The following LTBP4 variants were observed in gnomAD, a reference collection of about 807,000 sequenced individuals.
LTBP4 encodes the protein latent transforming growth factor beta binding protein 4.
LTBP4 carries 93 observed loss-of-function variants against 180.2 expected under a neutral mutation model. That is an observed-to-expected ratio of 0.52 (90% CI 0.44 to 0.61). The LOEUF is 0.61. Ranked by LOEUF, LTBP4 falls within the 20% of genes least tolerant of loss-of-function variation. The pLI, the probability that LTBP4 is intolerant of heterozygous loss-of-function variation, is 0.00. For synonymous variants in LTBP4, 947 were observed against 934.5 expected (o/e 1.01, Z -0.24); for missense variants, 2,116 against 2,256.5 (o/e 0.94, Z 1.26).
intron 1 of LTBP4, among the ~76,000 whole-genome samples, chr19:40,603,899 CTTTG>C (rs1277669641): frequency 6.6e-6 from 1 of 152,258 alleles, no homozygotes. Context: ...GCACCTCTCT[CTTTG>C]TTTACCCCGC....
Position 40,613,366 on chromosome 19 carries a change from G to C in LTBP4, c.2432-38G>C, listed in dbSNP as rs773178157. 3 of 1,592,606 alleles carry C rather than the reference G, an allele frequency of 1.9e-6. No homozygotes were observed. The highest frequency in any genetic ancestry group is 2.6e-6 in the Non-Finnish European group (3 of 1,171,292). ...GTGGGCGGAGCTTGTCTGGGAGGCC[G>C]GGTCCCGTGACTCCGCCCAATCTCC... On this transcript the variant is annotated intron_variant, in intron 16 of 29. Coordinates refer to ENST00000396819, the MANE Select transcript of LTBP4 (RefSeq NM_001042545.2). This position sits in a 1 kb window ranked among gnomAD's most constrained non-coding sequence, Gnocchi z 5.0.
chr19:40,619,475 C>T lies in LTBP4; in HGVS notation c.3199C>T (p.Pro1067Ser). 6.2e-7 allele frequency: 1 copy of T among 1,611,020 alleles called. No homozygotes were observed. The highest frequency in any genetic ancestry group is 8.5e-7 in the Non-Finnish European group (1 of 1,178,196). Residue 1067 changes from proline to serine, a missense_variant, in exon 22 of 30, where the codon CCC becomes TCC. Coordinates refer to ENST00000396819, the MANE Select transcript of LTBP4 (RefSeq NM_001042545.2). ...TGACCCCATGACTGGACGCTGTGTT[C>T]CCCCACGAACTTCTGCTGGTGAGAC... ...EFDPMTGRCV[P>S]PRTSAGTFPG...
chr19:40,625,311 TATA>T (rs2081624850), intron 26 of LTBP4, among the ~76,000 whole-genome samples: 5 of 30,874 alleles, frequency 1.6e-4, no homozygotes, highest in Admixed American at 3.7e-4. Flanking sequence ...TATATATATA[TATA>T]TATTTTTTTT....
In LTBP4 at chr19:40,607,668, C is replaced by G; in HGVS notation, c.1156+139C>G. ...TTGGCCACGCAGCAGCCTCTGAGACCCGCAGGCCTCAGACTGGACAGCATC... is the reference window on the plus strand; with the variant it reads ...TTGGCCACGCAGCAGCCTCTGAGACGCGCAGGCCTCAGACTGGACAGCATC... On this transcript the variant is annotated intron_variant, in intron 7 of 29. Transcript: ENST00000396819. 3 of 930,018 alleles carry G rather than the reference C, an allele frequency of 3.2e-6. 1 individual carries two copies. In the East Asian group the frequency reaches 8.0e-5, roughly 25 times the overall value. The allele number at this position is 930,018 out of a possible 1,614,324, so 57.6% of individuals were successfully genotyped here. A position where few individuals can be genotyped will look rare whatever the true frequency, so the allele number is the denominator to read the frequency against.
At chr19:40,621,531 C>G (rs535480475) in intron 22 of LTBP4, among the ~76,000 whole-genome samples, 1 of 152,140 alleles carries the variant, frequency 6.6e-6, no homozygotes, top group Non-Finnish European at 1.5e-5. Flanking sequence ...TGAAACCTCC[C>G]TCTGGCCGCC....
At position 40,611,966 on chromosome 19, in the gene LTBP4, G is replaced by T. The variant is rs774964698; in HGVS notation, c.2161G>T (p.Ala721Ser). Residue 721 changes from alanine to serine, a missense_variant, in exon 14 of 30, where the codon GCT becomes TCT. By Grantham distance (99) the Ala-to-Ser change is moderately conservative (BLOSUM62 1). This residue lies in a region of LTBP4 where 877 missense variants were observed against 873.6 expected (regional missense o/e 1.00). Transcript: ENST00000396819. This position sits in a 1 kb window ranked among gnomAD's most constrained non-coding sequence, Gnocchi z 4.4. ...CCCCATGGGCTTCCAACCCAACACT[G>T]CTGGCTCCGAGTGCGAGGGTGAGGC... ...VCPMGFQPNT[A>S]GSECEDVDEC... The T allele has an allele frequency of 6.2e-7, 1 of 1,611,858 alleles. No homozygotes were observed. Among genetic ancestry groups the T allele is most frequent in the Admixed American group, 1.7e-5 (1 of 59,790 alleles).
rs1568414608 is a variant in LTBP4 at position 40,625,306 on chromosome 19, ATATATATATATT to A, written c.3833-549_3833-538del. Among the ~76,000 whole-genome samples, 7 of 16,464 alleles carry A rather than the reference ATATATATATATT, an allele frequency of 4.3e-4. No homozygotes were observed. The East Asian group carries it at 4.4e-3, about 10-fold the overall frequency. 10.8% of individuals were successfully genotyped at this position (16,464 alleles called of 152,430 possible). A position where few individuals can be genotyped will look rare whatever the true frequency, so the allele number is the denominator to read the frequency against. On this transcript the variant is annotated intron_variant, in intron 26 of 29. Transcript: ENST00000396819. ...TATATATATATATATATATATATAT[ATATATATATATT>A]TTTTTTTTTAAAGATGGGTTTTTGC... is the stretch of plus-strand genomic sequence containing the variant.
In LTBP4 at chr19:40,626,968, T is replaced by C; in HGVS notation, c.3986-7T>C. 5 of 1,536,320 alleles carry C rather than the reference T, an allele frequency of 3.3e-6. No homozygotes were observed. The highest frequency in any genetic ancestry group is 4.4e-6 in the Non-Finnish European group (5 of 1,138,626). The stretch of plus-strand genomic sequence containing the variant: ...GGCTGATTGTTTGCCTTGGCTCCTG[T>C]TCCCAGATGACTTCGAGGCCCTGTG... On this transcript the variant is annotated splice_polypyrimidine_tract_variant and splice_region_variant and intron_variant, in intron 27 of 29. Transcript: ENST00000396819.
chr19:40,621,835 G>A (rs576189129), intron 22 of LTBP4, among the ~76,000 whole-genome samples: 33 of 150,578 alleles, frequency 2.2e-4, no homozygotes, highest in Non-Finnish European at 3.9e-4. Context: ...TGCAACTTCC[G>A]CTCCCGGGTT....
chr19:40,595,907 T>A, intron 1 of LTBP4, among the ~76,000 whole-genome samples: 1 of 13,948 alleles, frequency 7.2e-5, no homozygotes, highest in Non-Finnish European at 1.2e-4. Flanking sequence ...ATTTTTGGAT[T>A]TTTTTTTTTT....
upstream of LTBP4, chr19:40,601,237 G>T: frequency 2.0e-6 from 1 of 490,342 alleles, no homozygotes. Context: ...CCAGCCCCAC[G>T]CGCCCCCGCG....
At chr19:40,623,528 C>T in intron 24 of LTBP4, 76 bp from the exon 25 acceptor site, 1 of 1,523,932 alleles carries the variant, frequency 6.6e-7, no homozygotes, top group African/African-American at 1.4e-5. Flanking sequence ...AGCTCTGTCT[C>T]TGTCTTCCCA....
In LTBP4 at chr19:40,610,618, G is replaced by A; in HGVS notation, c.1771G>A (p.Ala591Thr). ...AGGCAGCTTCCTGTGCGTGTGCCCC[G>A]CCGGGTACCAGGCTGCACCGCACGG... is the stretch of plus-strand genomic sequence containing the variant. Reference protein sequence around the residue: ...TPGSFLCVCPAGYQAAPHGAS... With the variant: ...TPGSFLCVCPTGYQAAPHGAS... The change falls in exon 12 of 30, where the codon GCC (alanine) becomes ACC (threonine). Residue 591 changes from alanine to threonine, a missense_variant. Transcript: ENST00000396819. 2 of 1,589,628 alleles carry A rather than the reference G, an allele frequency of 1.3e-6. No individual in the cohort carries two copies. The highest frequency in any genetic ancestry group is 1.7e-6 in the Non-Finnish European group (2 of 1,175,058).
chr19:40,593,455 G>A (rs1424382664), intron 1 of LTBP4, among the ~76,000 whole-genome samples: 1 of 152,074 alleles, frequency 6.6e-6, no homozygotes, highest in Non-Finnish European at 1.5e-5. Flanking sequence ...TGTTGCCCAG[G>A]CTGGTCTCAA....
In LTBP4 at chr19:40,629,580, GC is replaced by G; in HGVS notation, c.*33del. 1 of 1,351,322 alleles carries G rather than the reference GC, an allele frequency of 7.4e-7. No homozygotes were observed. The highest frequency in any genetic ancestry group is 9.5e-7 in the Non-Finnish European group (1 of 1,055,068). 83.7% of individuals were successfully genotyped at this position (1,351,322 alleles called of 1,614,324 possible). ...TGGCACCCGCTGGCCGCCCACCCGC[GC>G]CCGCCACTCGGGGCCCCTGCCGCGC... On this transcript the variant is annotated 3_prime_UTR_variant, in exon 30 of 30. Coordinates refer to ENST00000396819, the MANE Select transcript of LTBP4 (RefSeq NM_001042545.2). This position sits in a 1 kb window ranked among gnomAD's most constrained non-coding sequence, Gnocchi z 4.5.
At chr19:40,623,758 C>T (rs10403366) in intron 25 of LTBP4, 26 bp downstream of exon 25, 15 of 1,613,056 alleles carry the variant, frequency 9.3e-6, no homozygotes, top group Non-Finnish European at 1.3e-5. Flanking sequence ...CCCCCAACCC[C>T]CGGCAACTCT....
chr19:40,626,939 C>G (rs979979006), intron 27 of LTBP4, 36 bp from the exon 28 acceptor site: 4 of 1,518,834 alleles, frequency 2.6e-6, no homozygotes, highest in Non-Finnish European at 3.5e-6. Context: ...TGGGGGCCAG[C>G]AGGGGCTGAT....
intron 15 of LTBP4, among the ~76,000 whole-genome samples, chr19:40,612,460 G>T (rs1304424623): frequency 6.6e-6 from 1 of 152,158 alleles, no homozygotes; most frequent in Non-Finnish European, 1.5e-5. Context: ...TGACCCTCAT[G>T]ACTCTGGCCC....
chr19:40,614,815 G>T (rs570000130), intron 19 of LTBP4, among the ~76,000 whole-genome samples: 3 of 152,052 alleles, frequency 2.0e-5, no homozygotes, highest in South Asian at 2.1e-4. Flanking sequence ...GTTTGGACGT[G>T]CCCTTTCCGC....
Sources: gnomAD v4.1 joint callset for allele counts (sites outside exome capture counted in the v4.1 genomes callset) on GRCh38, gnomAD v4.1.1 for gene constraint, gnomAD v4.1.1 regional missense constraint, Gnocchi (gnomAD v3.1) non-coding constraint, MANE v1.5 for transcripts, NCBI Gene and HGNC (gene_info 2026-07-23, HGNC 2026-07-21) for gene names.